The following ANGPT1 variants were observed in gnomAD, a reference collection of about 807,000 sequenced individuals.
ANGPT1 encodes the protein angiopoietin 1, also known as angiopoietin-1.
Under a neutral mutation model 62.2 loss-of-function variants are expected in ANGPT1, and 17 were observed. The observed-to-expected ratio is 0.27, with a 90% CI of 0.19 to 0.41. ANGPT1 has a LOEUF of 0.41. Among genes scored for constraint, ANGPT1 ranks in the 10% least tolerant of loss-of-function variants. The probability of loss-of-function intolerance (pLI) is 1.00; values close to 1 mark genes in which losing one functional copy is unlikely to be tolerated. For synonymous variants in ANGPT1, 199 were observed against 198.9 expected, an observed-to-expected ratio of 1.00 and a Z score of 0.00; for missense variants, 478 against 594.9, an observed-to-expected ratio of 0.80 and a Z score of 2.04.
chr8:107,459,293 T>C (rs1251157488), intron 1 of ANGPT1, among the ~76,000 whole-genome samples: 1 of 152,148 alleles, frequency 6.6e-6, no homozygotes, highest in Non-Finnish European at 1.5e-5. Flanking sequence ...CTCACGCTTG[T>C]AATCCTAGTA....
intron 1 of ANGPT1, among the ~76,000 whole-genome samples, chr8:107,372,779 C>T (rs926222403): frequency 6.6e-6 from 1 of 151,482 alleles, no homozygotes; most frequent in Non-Finnish European, 1.5e-5. Context: ...TAGTAGCTCA[C>T]CGACATTACA....
chr8:107,274,305 A>G lies in ANGPT1; in HGVS notation c.1206-9954T>C, dbSNP rs1462106188. Among the ~76,000 whole-genome samples the G allele has an allele frequency of 3.3e-5, 5 of 152,166 alleles. No homozygotes were observed. The East Asian group carries it at 9.6e-4, about 29-fold the overall frequency. Reference sequence around the variant, plus strand: ...AAAATAATAGTAACACGGTAAGTGTATGGTGGTTGGCTGGCTGGATAAAGC... The same window carrying G: ...AAAATAATAGTAACACGGTAAGTGTGTGGTGGTTGGCTGGCTGGATAAAGC... On this transcript the variant is annotated intron_variant, in intron 7 of 8. Coordinates refer to ENST00000517746, the MANE Select transcript of ANGPT1 (RefSeq NM_001146.5).
chr8:107,288,785 C>T (rs1348258385), intron 6 of ANGPT1, among the ~76,000 whole-genome samples: 2 of 152,086 alleles, frequency 1.3e-5, no homozygotes, highest in African/African-American at 2.4e-5. Context: ...ATTTTGATTA[C>T]ATGTCTGGGA....
chr8:107,328,132 C>T (rs66791407), intron 3 of ANGPT1, among the ~76,000 whole-genome samples: 28,781 of 151,854 alleles, frequency 0.19, 2,977 homozygotes, highest in Middle Eastern at 0.3. Context: ...ATATAGAAAC[C>T]TCATTTTTAT....
intron 1 of ANGPT1, among the ~76,000 whole-genome samples, chr8:107,403,288 G>T (rs1817081929): frequency 6.6e-6 from 1 of 152,154 alleles, no homozygotes; most frequent in Middle Eastern, 3.2e-3. Context: ...AAGGAGGAAA[G>T]CCTGTTCCTG....
intron 1 of ANGPT1, among the ~76,000 whole-genome samples, chr8:107,433,705 G>A (rs1811262264): frequency 6.6e-6 from 1 of 152,082 alleles, no homozygotes; most frequent in Non-Finnish European, 1.5e-5. Context: ...ATTTCATTCT[G>A]TTCATGCTTT....
In ANGPT1 at chr8:107,398,500, ATTTTT is replaced by A. The variant is rs10556477; in HGVS notation, c.298-51408_298-51404del. Among the ~76,000 whole-genome samples, 274 of 132,764 alleles carry A rather than the reference ATTTTT, an allele frequency of 2.1e-3. 2 individuals carry two copies. Among genetic ancestry groups the A allele is most frequent in the African/African-American group, 6.3e-3 (233 of 36,876 alleles). 87.1% of individuals were successfully genotyped at this position (132,764 alleles called of 152,430 possible). A position where few individuals can be genotyped will look rare whatever the true frequency, so the allele number is the denominator to read the frequency against. ...ATAAATGTTAATTTTTTTCTTTTCT[ATTTTT>A]TTTTTTTTTTTTGCTAAGTGTGAAA... On this transcript the variant is annotated intron_variant, in intron 1 of 8. Coordinates refer to ENST00000517746, the MANE Select transcript of ANGPT1 (RefSeq NM_001146.5).
chr8:107,435,918 G>A (rs1477756245), intron 1 of ANGPT1, among the ~76,000 whole-genome samples: 1 of 152,106 alleles, frequency 6.6e-6, no homozygotes, highest in Non-Finnish European at 1.5e-5. Context: ...TTGATTGGTT[G>A]ATTAGACAGG....
chr8:107,342,832 A>ACAC (rs1554584320), intron 2 of ANGPT1, among the ~76,000 whole-genome samples: 1 of 104,442 alleles, frequency 9.6e-6, no homozygotes, highest in Admixed American at 9.3e-5. Flanking sequence ...CACACACACA[A>ACAC]GTGTATATAT....
intron 7 of ANGPT1, among the ~76,000 whole-genome samples, chr8:107,267,447 C>T (rs914125563): frequency 7.9e-5 from 12 of 151,968 alleles, no homozygotes; most frequent in Non-Finnish European, 1.8e-4. Context: ...GACCTTTCCC[C>T]GTATGAATGT....
chr8:107,272,524 C>T (rs1210722119), intron 7 of ANGPT1, among the ~76,000 whole-genome samples: 1 of 151,896 alleles, frequency 6.6e-6, no homozygotes, highest in Non-Finnish European at 1.5e-5. Flanking sequence ...AAGCTCTTGA[C>T]ATTAGGAACA....
chr8:107,418,445 C>T (rs1178291208), intron 1 of ANGPT1, among the ~76,000 whole-genome samples: 7 of 152,252 alleles, frequency 4.6e-5, no homozygotes, highest in East Asian at 1.9e-4. Context: ...CTTAGTATTC[C>T]GTGACATTCA....
intron 1 of ANGPT1, among the ~76,000 whole-genome samples, chr8:107,368,003 T>A (rs1488787563): frequency 1.3e-5 from 2 of 152,226 alleles, no homozygotes; most frequent in African/African-American, 4.8e-5. Context: ...GAATCACTAA[T>A]GTTCTTACTG....
At chr8:107,374,599 G>A (rs762218498) in intron 1 of ANGPT1, among the ~76,000 whole-genome samples, 5 of 152,188 alleles carry the variant, frequency 3.3e-5, no homozygotes, top group African/African-American at 4.8e-5. Context: ...CATTATATGG[G>A]CTACTGGTGG....
chr8:107,372,570 C>G (rs1222076342), intron 1 of ANGPT1, among the ~76,000 whole-genome samples: 1 of 151,898 alleles, frequency 6.6e-6, no homozygotes. Context: ...GCCATATTTT[C>G]AAAACAGAAA....
chr8:107,288,647 T>C (rs1814201716), intron 6 of ANGPT1, among the ~76,000 whole-genome samples: 1 of 152,108 alleles, frequency 6.6e-6, no homozygotes, highest in South Asian at 2.1e-4. Flanking sequence ...ATAAATATGA[T>C]GTGGAATAGA....
intron 1 of ANGPT1, among the ~76,000 whole-genome samples, chr8:107,409,865 C>A (rs1390656850): frequency 6.6e-6 from 1 of 151,952 alleles, no homozygotes; most frequent in African/African-American, 2.4e-5. Flanking sequence ...AAAGTAGGAA[C>A]ATAATGATTG....
At chr8:107,319,717 C>T (rs372455818) in intron 4 of ANGPT1, among the ~76,000 whole-genome samples, 2 of 151,784 alleles carry the variant, frequency 1.3e-5, no homozygotes, top group East Asian at 3.9e-4. Context: ...CCATAGCCAA[C>T]GACTAAGGCT....
intron 2 of ANGPT1, among the ~76,000 whole-genome samples, chr8:107,338,820 A>C (rs945235750): frequency 1.3e-5 from 2 of 152,216 alleles, no homozygotes; most frequent in Non-Finnish European, 2.9e-5. Context: ...TTATAAAATA[A>C]TGAAATAGGG....
Sources: gnomAD v4.1 joint callset for allele counts (sites outside exome capture counted in the v4.1 genomes callset) on GRCh38, gnomAD v4.1.1 for gene constraint, MANE v1.5 for transcripts, NCBI Gene and HGNC (gene_info 2026-07-23, HGNC 2026-07-21) for gene names.